LRP1B: variants seen among roughly 807,000 people sequenced by gnomAD.
The protein encoded by LRP1B is LDL receptor related protein 1B.
In LRP1B, 217 loss-of-function variants were observed where a neutral mutation model predicts 556.6. The ratio of observed to expected loss-of-function variants is 0.39; its 90% confidence interval spans 0.35 to 0.44. The LOEUF is 0.44. Ranked by LOEUF, LRP1B falls within the 20% of genes least tolerant of loss-of-function variation. The pLI is 1.00. For missense variants in LRP1B, 5,053 were observed against 5,620.8 expected (o/e 0.90, Z 3.23); for synonymous variants, 2,047 against 1,865.8 (o/e 1.10, Z -2.50).
intron 6 of LRP1B, among the ~76,000 whole-genome samples, chr2:141,209,769 A>G (rs552342314): frequency 6.6e-6 from 1 of 152,328 alleles, no homozygotes; most frequent in South Asian, 2.1e-4. Flanking sequence ...AAAAGGAGAA[A>G]GTTAAGGGAA....
At chr2:141,719,052 T>C (rs1384742229) in intron 2 of LRP1B, among the ~76,000 whole-genome samples, 1 of 152,082 alleles carries the variant, frequency 6.6e-6, no homozygotes, top group Non-Finnish European at 1.5e-5. Context: ...AATTCTGACT[T>C]TCCCCCCCAC....
intron 2 of LRP1B, among the ~76,000 whole-genome samples, chr2:141,530,555 T>C (rs1684837400): frequency 6.6e-6 from 1 of 151,394 alleles, no homozygotes; most frequent in South Asian, 2.1e-4. Flanking sequence ...TAAGTCAATG[T>C]ACCTATTCTC....
chr2:141,515,212 G>A (rs1684268295), intron 2 of LRP1B, among the ~76,000 whole-genome samples: 1 of 151,774 alleles, frequency 6.6e-6, no homozygotes, highest in Non-Finnish European at 1.5e-5. Flanking sequence ...TGAGGCAGGA[G>A]AATCGCTTGA....
At chr2:140,323,619 G>A (rs896581168) in intron 81 of LRP1B, among the ~76,000 whole-genome samples, 3 of 151,518 alleles carry the variant, frequency 2.0e-5, no homozygotes, top group Admixed American at 1.3e-4. Flanking sequence ...TAAAATAAAA[G>A]AATTTTAGAA....
At chr2:141,028,370 G>T (rs572495424) in intron 11 of LRP1B, among the ~76,000 whole-genome samples, 1 of 151,610 alleles carries the variant, frequency 6.6e-6, no homozygotes, top group African/African-American at 2.4e-5. Flanking sequence ...TAAAGAAAAA[G>T]AATCTAAAGC....
chr2:140,345,843 TACACACACACAC>T (rs201538692), intron 77 of LRP1B, among the ~76,000 whole-genome samples: 2 of 133,184 alleles, frequency 1.5e-5, no homozygotes, highest in South Asian at 2.3e-4. Flanking sequence ...TATATACACA[TACACACACACAC>T]ACACACATAT....
intron 2 of LRP1B, among the ~76,000 whole-genome samples, chr2:141,713,775 T>C (rs1427121768): frequency 6.6e-6 from 1 of 152,226 alleles, no homozygotes; most frequent in African/African-American, 2.4e-5. Flanking sequence ...AGTCATATTA[T>C]TATGAATCTT....
intron 25 of LRP1B, among the ~76,000 whole-genome samples, chr2:140,880,880 T>C (rs1693451331): frequency 6.6e-6 from 1 of 152,142 alleles, no homozygotes; most frequent in Non-Finnish European, 1.5e-5. Flanking sequence ...TATGCATGCA[T>C]TCATTTGTTT....
chr2:141,288,626 A>G (rs750433836), intron 3 of LRP1B, among the ~76,000 whole-genome samples: 42 of 152,296 alleles, frequency 2.8e-4, no homozygotes, highest in African/African-American at 9.4e-4. Context: ...CCTGAAACTG[A>G]TTATCTTAAA....
At chr2:141,941,705 G>C (rs918365604) in intron 1 of LRP1B, among the ~76,000 whole-genome samples, 1 of 152,176 alleles carries the variant, frequency 6.6e-6, no homozygotes, top group Non-Finnish European at 1.5e-5. Context: ...AAACCATGAA[G>C]AGTCCTGTAG....
chr2:140,700,191 C>G, intron 41 of LRP1B, 59 bp downstream of exon 41: 1 of 1,403,972 alleles, frequency 7.1e-7, no homozygotes, highest in Non-Finnish European at 9.9e-7. Flanking sequence ...ACTATTATTT[C>G]TCTAGTAATC....
At chr2:140,937,261 C>CT (rs1695256941) in intron 20 of LRP1B, among the ~76,000 whole-genome samples, 1 of 152,008 alleles carries the variant, frequency 6.6e-6, no homozygotes, top group Non-Finnish European at 1.5e-5. Context: ...TCATTCAAGA[C>CT]TTAATAAAGG....
intron 2 of LRP1B, among the ~76,000 whole-genome samples, chr2:141,705,265 A>G (rs1692095467): frequency 6.6e-6 from 1 of 151,984 alleles, no homozygotes; most frequent in African/African-American, 2.4e-5. Context: ...TGTCATTTTG[A>G]GCAAGTAACC....
intron 2 of LRP1B, among the ~76,000 whole-genome samples, chr2:141,774,792 T>A (rs1695007024): frequency 6.6e-6 from 1 of 152,196 alleles, no homozygotes; most frequent in Admixed American, 6.5e-5. Flanking sequence ...ATGTTCTTGA[T>A]AAAACCAGAA....
chr2:141,154,905 A>G (rs952141838), intron 7 of LRP1B, among the ~76,000 whole-genome samples: 1 of 151,944 alleles, frequency 6.6e-6, no homozygotes. Flanking sequence ...ATAATCAGGG[A>G]AAGAGTTCAG....
intron 7 of LRP1B, among the ~76,000 whole-genome samples, chr2:141,127,169 C>A (rs932816917): frequency 1.3e-5 from 2 of 152,022 alleles, no homozygotes; most frequent in Non-Finnish European, 2.9e-5. Context: ...TAGAGAAATG[C>A]AAATTAAAAC....
chr2:140,253,371 G>A (rs758107282), intron 86 of LRP1B, among the ~76,000 whole-genome samples: 1 of 151,990 alleles, frequency 6.6e-6, no homozygotes, highest in Non-Finnish European at 1.5e-5. Flanking sequence ...AAATTAATGA[G>A]AAGTTTCTAT....
intron 3 of LRP1B, among the ~76,000 whole-genome samples, chr2:141,420,665 T>C (rs1381524677): frequency 6.6e-6 from 1 of 152,154 alleles, no homozygotes; most frequent in East Asian, 1.9e-4. Flanking sequence ...TCTAAGAAGA[T>C]AGAACATTAC....
chr2:140,703,882 C>G (rs1686734153), intron 37 of LRP1B, among the ~76,000 whole-genome samples: 1 of 152,130 alleles, frequency 6.6e-6, no homozygotes, highest in Non-Finnish European at 1.5e-5. Context: ...TATAGATGTA[C>G]ATTTTCTTTT....
Sources: allele counts gnomAD v4.1 joint callset (sites outside exome capture counted in the v4.1 genomes callset), GRCh38; gene constraint gnomAD v4.1.1; transcripts MANE v1.5; gene names NCBI Gene and HGNC (gene_info 2026-07-23, HGNC 2026-07-21).